HSPA9: variants seen among roughly 807,000 people sequenced by gnomAD.
The protein encoded by HSPA9 is stress-70 protein, mitochondrial.
HSPA9 carries 28 observed loss-of-function variants against 81.5 expected under a neutral mutation model. The ratio of observed to expected loss-of-function variants is 0.34; its 90% CI spans 0.25 to 0.47. HSPA9 has a LOEUF of 0.47. Ranked by LOEUF, HSPA9 falls within the 20% of genes least tolerant of loss-of-function variation. The pLI is 1.00. For missense variants in HSPA9, 678 were observed against 838.0 expected (o/e 0.81, Z 2.36); for synonymous variants, 293 against 290.4 (o/e 1.01, Z -0.09).
intron 10 of HSPA9, chr5:138,560,907 CA>C (rs750013679): frequency 2.5e-4 from 91 of 358,272 alleles, no homozygotes; most frequent in South Asian, 1.7e-3. Flanking sequence ...TTTCCAGGTT[CA>C]TTTTTTTTTT....
chr5:138,562,656 A>G (rs1750686388), intron 9 of HSPA9, among the ~76,000 whole-genome samples: 1 of 152,236 alleles, frequency 6.6e-6, no homozygotes, highest in East Asian at 1.9e-4. Context: ...AAGCAGGAAA[A>G]AAATCCCCAT....
At chr5:138,571,749 T>C (rs1459274596) in intron 3 of HSPA9, among the ~76,000 whole-genome samples, 1 of 151,482 alleles carries the variant, frequency 6.6e-6, no homozygotes, top group Non-Finnish European at 1.5e-5. Flanking sequence ...TGGGTTCAAT[T>C]CTCCTACTTC....
In HSPA9 at chr5:138,575,360, C is replaced by A. The variant is rs1223115643; in HGVS notation, c.-42G>T. 6.5e-7 allele frequency: 1 copy of A among 1,529,124 alleles called. No individual in the cohort carries two copies. The highest frequency in any genetic ancestry group is 9.0e-7 in the Non-Finnish European group (1 of 1,106,946). The allele number at this position is 1,529,124 out of a possible 1,614,324, so 94.7% of individuals were successfully genotyped here. ...AGTACGAGGCAGCAAACAAGCGCTCCGACGGCAAAGAGCTGCGCGATGCGG... is the reference window on the plus strand; with the variant it reads ...AGTACGAGGCAGCAAACAAGCGCTCAGACGGCAAAGAGCTGCGCGATGCGG... On this transcript the variant is annotated 5_prime_UTR_variant, in exon 1 of 17. Coordinates refer to ENST00000297185, the MANE Select transcript of HSPA9 (RefSeq NM_004134.7).
chr5:138,567,278 T>C (rs1750787567), intron 7 of HSPA9, 115 bp from the exon 8 acceptor site: 5 of 1,032,020 alleles, frequency 4.8e-6, no homozygotes, highest in South Asian at 4.3e-5. Context: ...CCCTGAGATA[T>C]GTACTAGTTA....
rs766254281 is a variant in HSPA9, at chr5:138,573,787, T to C, written c.204A>G (p.Ala68=). Residue 68 remains alanine (A), a synonymous_variant, in exon 3 of 17, where the codon GCA becomes GCG. Coordinates refer to ENST00000297185, the MANE Select transcript of HSPA9 (RefSeq NM_004134.7). ...IDLGTTNSCV[A]VMEGKQAKVL... ...CCTTTGCTTGTTTACCTTCCATAAC[T>C]GCCACGCAGGAGTTGGTAGTACCCA... The C allele has an allele frequency of 2.0e-5, 32 of 1,612,208 alleles. 1 individual carries two copies. In the South Asian group the frequency reaches 3.4e-4, roughly 17 times the overall value.
chr5:138,560,750 G>GT (rs1223848440), intron 10 of HSPA9: 4 of 325,234 alleles, frequency 1.2e-5, no homozygotes, highest in Admixed American at 8.5e-5. Flanking sequence ...GGGTTTCACC[G>GT]TGTTAGCCAG....
chr5:138,560,931 C>CTTTTTTT, intron 10 of HSPA9: 1 of 283,584 alleles, frequency 3.5e-6, no homozygotes, highest in East Asian at 1.3e-4. Flanking sequence ...TTGCATATTT[C>CTTTTTTT]CTTAAGGCCA....
At position 138,567,120 on chromosome 5, in the gene HSPA9, T is replaced by C. The variant is rs748383587; in HGVS notation, c.760A>G (p.Ile254Val). ...DLGGGTFDIS[I>V]LEIQKGVFEV... ...AATACTCCTTTCTGAATTTCCAGGA[T>C]AGAAATATCAAAAGTTCCACCACCT... The change falls in exon 8 of 17, where the codon ATC becomes GTC. Residue 254 changes from isoleucine (I) to valine (V), a missense_variant. Coordinates refer to ENST00000297185, the MANE Select transcript of HSPA9 (RefSeq NM_004134.7). 6 of 1,613,394 alleles carry C rather than the reference T, an allele frequency of 3.7e-6. No homozygotes were observed. In the Admixed American group the frequency reaches 5.0e-5, roughly 13 times the overall value.
intron 4 of HSPA9, among the ~76,000 whole-genome samples, chr5:138,569,503 A>G (rs1158281216): frequency 6.6e-6 from 1 of 152,228 alleles, no homozygotes; most frequent in African/African-American, 2.4e-5. Flanking sequence ...TCACTTGACA[A>G]ATGGATAAAC....
In HSPA9 at chr5:138,570,755, G is replaced by T. The variant is rs1256693568; in HGVS notation, c.410+205C>A. 7.3e-6 allele frequency: 4 copies of T among 546,362 alleles called. No homozygotes were observed. In the South Asian group the frequency reaches 7.7e-5, roughly 11 times the overall value. 33.8% of individuals were successfully genotyped at this position (546,362 alleles called of 1,614,324 possible). A position where few individuals can be genotyped will look rare whatever the true frequency, so the allele number is the denominator to read the frequency against. On this transcript the variant is annotated intron_variant, in intron 4 of 16. Coordinates refer to ENST00000297185, the MANE Select transcript of HSPA9 (RefSeq NM_004134.7). ...CCACCTCGGCCTCCCAAAGTGCTAGGATTACAGGTGTGAGCCACTGCACTG... is the reference window on the plus strand; with the variant it reads ...CCACCTCGGCCTCCCAAAGTGCTAGTATTACAGGTGTGAGCCACTGCACTG...
At chr5:138,559,750 CT>C in intron 11 of HSPA9, 113 bp downstream of exon 11, 1 of 767,492 alleles carries the variant, frequency 1.3e-6, no homozygotes, top group Non-Finnish European at 2.3e-6. Context: ...ATATTCTAAA[CT>C]GTAAAACAGA....
chr5:138,571,243 C>A, intron 3 of HSPA9, 102 bp from the exon 4 acceptor site: 1 of 1,212,732 alleles, frequency 8.2e-7, no homozygotes, highest in South Asian at 1.3e-5. Flanking sequence ...TACAATGGCA[C>A]AATCTTGGCT....
rs919000836 is a variant in HSPA9 at position 138,557,091 on chromosome 5, G to A, written c.1729-225C>T. 3 of 612,806 alleles carry A rather than the reference G, an allele frequency of 4.9e-6. No homozygotes were observed. The South Asian group carries it at 5.8e-5, about 12-fold the overall frequency. 38.0% of individuals were successfully genotyped at this position (612,806 alleles called of 1,614,324 possible). A position where few individuals can be genotyped will look rare whatever the true frequency, so the allele number is the denominator to read the frequency against. ...CAGGGAAAACAGAAGAAATAATAAAGGCACTGCAAACATAAGGTATAAACA... is the reference window on the plus strand; with the variant it reads ...CAGGGAAAACAGAAGAAATAATAAAAGCACTGCAAACATAAGGTATAAACA... On this transcript the variant is annotated intron_variant, in intron 14 of 16. Coordinates refer to ENST00000297185, the MANE Select transcript of HSPA9 (RefSeq NM_004134.7).
At position 138,573,721 on chromosome 5, in the gene HSPA9, G is replaced by A. The variant is rs537903806; in HGVS notation, c.228+42C>T. The A allele has an allele frequency of 6.7e-5, 74 of 1,107,714 alleles. 1 individual carries two copies. In the South Asian group the frequency reaches 7.6e-4, roughly 11 times the overall value. 68.6% of individuals were successfully genotyped at this position (1,107,714 alleles called of 1,614,324 possible). A position where few individuals can be genotyped will look rare whatever the true frequency, so the allele number is the denominator to read the frequency against. ...ACTAAGGAAAAGAGCACAGAATTCT[G>A]GACAGATTCTGGATAAGGTACTAGT... is the stretch of plus-strand genomic sequence containing the variant. On this transcript the variant is annotated intron_variant, in intron 3 of 16. Coordinates refer to ENST00000297185, the MANE Select transcript of HSPA9 (RefSeq NM_004134.7).
chr5:138,575,320 G>A lies in HSPA9; in HGVS notation c.-2C>T. ...TGCAGCTCGGCTGGCACTTATCATG[G>A]CGGATAAATGGAGGAGTACGAGGCA... On this transcript the variant is annotated 5_prime_UTR_variant, in exon 1 of 17. Transcript: ENST00000297185. The A allele has an allele frequency of 6.2e-7, 1 of 1,611,154 alleles. No individual in the cohort carries two copies. Among genetic ancestry groups the A allele is most frequent in the Non-Finnish European group, 8.5e-7 (1 of 1,178,624 alleles).
chr5:138,571,570 G>A (rs935087235), intron 3 of HSPA9, among the ~76,000 whole-genome samples: 1 of 152,084 alleles, frequency 6.6e-6, no homozygotes, highest in African/African-American at 2.4e-5. Context: ...ATACTACCGG[G>A]CATGCTTTAC....
At chr5:138,571,680 CTT>C (rs1256809583) in intron 3 of HSPA9, among the ~76,000 whole-genome samples, 4 of 148,536 alleles carry the variant, frequency 2.7e-5, no homozygotes, top group Non-Finnish European at 5.9e-5. Context: ...GAGTCTCGCT[CTT>C]GTCACCCAGA....
rs1026349154 is a variant in HSPA9 at position 138,555,238 on chromosome 5, A to C, written c.*799T>G. 1.3e-5 allele frequency: 2 copies of C among 152,216 alleles called. No homozygotes were observed. Among genetic ancestry groups the C allele is most frequent in the Admixed American group, 6.5e-5 (1 of 15,274 alleles). 9.4% of individuals were successfully genotyped at this position (152,216 alleles called of 1,614,324 possible). ...ATTTGCATTTTTAACCAGTGTTAGC[A>C]AATCCTGTATTTCCCTCTTTGGGAA... On this transcript the variant is annotated 3_prime_UTR_variant, in exon 17 of 17. Coordinates refer to ENST00000297185, the MANE Select transcript of HSPA9 (RefSeq NM_004134.7).
chr5:138,575,082 C>T (rs928342307), intron 1 of HSPA9, 156 bp downstream of exon 1: 10 of 628,978 alleles, frequency 1.6e-5, no homozygotes. Context: ...AAAATCTTGA[C>T]CCGGCAGCGC....
Sources: gnomAD v4.1 joint callset for allele counts (sites outside exome capture counted in the v4.1 genomes callset) on GRCh38, gnomAD v4.1.1 for gene constraint, MANE v1.5 for transcripts, NCBI Gene and HGNC (gene_info 2026-07-23, HGNC 2026-07-21) for gene names.